Variants in NEBL observed in about 807,000 individuals in gnomAD.
NEBL encodes the protein nebulette.
NEBL carries 122 observed loss-of-function variants against 140.2 expected under a neutral mutation model. That is an observed-to-expected ratio of 0.87 (90% CI 0.75 to 1.01). The LOEUF (loss-of-function observed/expected upper bound fraction) is 1.01, where lower values mean the gene tolerates loss of function less well. Ranked by LOEUF, NEBL falls within the 50% of genes least tolerant of loss-of-function variation. The pLI is 0.00. For synonymous variants in NEBL, 436 were observed against 398.9 expected, an observed-to-expected ratio of 1.09 and a Z score of -1.11; for missense variants, 1,365 against 1,231.3, an observed-to-expected ratio of 1.11 and a Z score of -1.62.
intron 4 of NEBL, among the ~76,000 whole-genome samples, chr10:20,954,093 C>T (rs1032835447): frequency 1.3e-5 from 2 of 149,942 alleles, no homozygotes; most frequent in South Asian, 2.1e-4. Flanking sequence ...TAAAATAATC[C>T]AGCTATTTAC....
intron 1 of NEBL, among the ~76,000 whole-genome samples, chr10:21,292,339 T>C (rs938833553): frequency 7.9e-5 from 12 of 152,208 alleles, no homozygotes; most frequent in African/African-American, 2.9e-4. Context: ...AAATGATTAA[T>C]TGATAATCAT....
intron 1 of NEBL, among the ~76,000 whole-genome samples, chr10:21,261,817 T>C (rs745917135): frequency 2.0e-5 from 3 of 151,448 alleles, no homozygotes; most frequent in Non-Finnish European, 4.4e-5. Context: ...GAGATAGGAG[T>C]GTCAGCGGCA....
intron 2 of NEBL, among the ~76,000 whole-genome samples, chr10:21,117,106 C>T (rs1446250765): frequency 6.6e-6 from 1 of 152,082 alleles, no homozygotes; most frequent in African/African-American, 2.4e-5. Flanking sequence ...CCTGTTCCTT[C>T]CATGGCTTGC....
intron 5 of NEBL, among the ~76,000 whole-genome samples, chr10:20,874,218 ATTT>A (rs1337417426): frequency 2.0e-5 from 3 of 152,036 alleles, no homozygotes; most frequent in Non-Finnish European, 4.4e-5. Context: ...CATGTGTTAA[ATTT>A]TTTTGTCAGC....
intron 14 of NEBL, 24 bp downstream of exon 14, chr10:20,835,489 G>T (rs750849325): frequency 2.0e-6 from 3 of 1,513,174 alleles, no homozygotes; most frequent in Non-Finnish European, 1.8e-6. Context: ...GAGTCTTAAG[G>T]CCTGCATCAC....
chr10:20,863,398 A>T (rs989338924), intron 7 of NEBL, among the ~76,000 whole-genome samples: 1 of 152,210 alleles, frequency 6.6e-6, no homozygotes, highest in Admixed American at 6.5e-5. Flanking sequence ...GTGTACCTTA[A>T]TTATCATTGA....
intron 16 of NEBL, among the ~76,000 whole-genome samples, chr10:20,829,246 C>G (rs1840170787): frequency 6.6e-6 from 1 of 152,020 alleles, no homozygotes; most frequent in African/African-American, 2.4e-5. Context: ...CCATGGAATA[C>G]TATGCAGCCA....
chr10:21,262,515 A>G (rs1842751992), intron 1 of NEBL, among the ~76,000 whole-genome samples: 1 of 152,236 alleles, frequency 6.6e-6, no homozygotes, highest in African/African-American at 2.4e-5. Flanking sequence ...AAACGAAGGA[A>G]AGCAAAATGT....
At chr10:20,826,949 T>A (rs576035914) in intron 17 of NEBL, among the ~76,000 whole-genome samples, 45 of 152,358 alleles carry the variant, frequency 3.0e-4, no homozygotes, top group African/African-American at 1.1e-3. Flanking sequence ...GCAACTTCTA[T>A]GCTCCAAACA....
intron 2 of NEBL, among the ~76,000 whole-genome samples, chr10:21,046,745 G>A (rs909376707): frequency 2.0e-5 from 3 of 151,348 alleles, no homozygotes; most frequent in Admixed American, 6.6e-5. Context: ...GGACTACAGG[G>A]GCCTGCCACC....
intron 15 of NEBL, 54 bp downstream of exon 15, chr10:20,831,419 C>T: frequency 3.3e-6 from 5 of 1,529,970 alleles, no homozygotes; most frequent in Non-Finnish European, 4.5e-6. Context: ...TATGCTCTTT[C>T]CAGCTATGAT....
chr10:20,976,428 C>A (rs1162206962), intron 3 of NEBL, among the ~76,000 whole-genome samples: 1 of 151,710 alleles, frequency 6.6e-6, no homozygotes, highest in Non-Finnish European at 1.5e-5. Flanking sequence ...GGTACATACC[C>A]AAAAGAACAT....
intron 2 of NEBL, among the ~76,000 whole-genome samples, chr10:21,074,855 G>C (rs1207120517): frequency 6.6e-6 from 1 of 152,006 alleles, no homozygotes; most frequent in Non-Finnish European, 1.5e-5. Flanking sequence ...CCAGGCTGGA[G>C]TACAGTGGCG....
At chr10:21,025,738 C>T (rs1270099536) in intron 2 of NEBL, among the ~76,000 whole-genome samples, 1 of 152,138 alleles carries the variant, frequency 6.6e-6, no homozygotes, top group Admixed American at 6.5e-5. Context: ...TACCTTCCAT[C>T]TGTGTGCCTT....
intron 3 of NEBL, among the ~76,000 whole-genome samples, chr10:20,965,223 T>C (rs923401665): frequency 2.0e-5 from 3 of 152,218 alleles, no homozygotes; most frequent in African/African-American, 7.2e-5. Flanking sequence ...ATGGGGCTTA[T>C]GTTAATTACA....
At chr10:20,886,104 A>G (rs788960) in intron 4 of NEBL, among the ~76,000 whole-genome samples, 34,719 of 152,190 alleles carry the variant, frequency 0.23, 4,341 homozygotes, top group East Asian at 0.42. Context: ...CATATTAAAT[A>G]GGTGCAGCAA....
intron 5 of NEBL, among the ~76,000 whole-genome samples, chr10:20,879,431 T>A: frequency 6.6e-6 from 1 of 152,242 alleles, no homozygotes; most frequent in East Asian, 1.9e-4. Flanking sequence ...TGTAGCCTCT[T>A]CATCTCCTAG....
rs766626102 is a variant in NEBL, at chr10:20,889,963, T to A, written c.154-14A>T. 1.3e-6 allele frequency: 2 copies of A among 1,499,016 alleles called. No individual in the cohort carries two copies. The highest frequency in any genetic ancestry group is 2.8e-5 in the African/African-American group (2 of 72,488). The allele number at this position is 1,499,016 out of a possible 1,614,324, so 92.9% of individuals were successfully genotyped here. A position where few individuals can be genotyped will look rare whatever the true frequency, so the allele number is the denominator to read the frequency against. ...TTTATAACGGATCTAAAAAAGAGAA[T>A]GATTTACATAAGAAGAGAAAAAGAA... On this transcript the variant is annotated splice_polypyrimidine_tract_variant and intron_variant, in intron 2 of 27. Coordinates refer to ENST00000377122, the MANE Select transcript of NEBL (RefSeq NM_006393.3).
chr10:21,246,144 A>G (rs529453285), intron 3 of NEBL, among the ~76,000 whole-genome samples: 159 of 152,230 alleles, frequency 1.0e-3, no homozygotes, highest in Middle Eastern at 3.4e-3. Context: ...CTTGACCACA[A>G]ACTCCTCTAG....
Sources: gnomAD v4.1 joint callset for allele counts (sites outside exome capture counted in the v4.1 genomes callset) on GRCh38, gnomAD v4.1.1 for gene constraint, MANE v1.5 for transcripts, NCBI Gene and HGNC (gene_info 2026-07-23, HGNC 2026-07-21) for gene names.